RNGTT: variants seen among roughly 807,000 people sequenced by gnomAD.
RNGTT encodes RNA guanylyltransferase and 5'-phosphatase.
In RNGTT, 33 loss-of-function variants were observed where a neutral mutation model predicts 79.3. The ratio of observed to expected loss-of-function variants is 0.42; its 90% confidence interval spans 0.32 to 0.56. The LOEUF (loss-of-function observed/expected upper bound fraction) is 0.56. Among genes scored for constraint, RNGTT ranks in the 20% least tolerant of loss-of-function variants. The pLI is 0.17. For missense variants in RNGTT, 497 were observed against 739.1 expected, an observed-to-expected ratio of 0.67 and a Z score of 3.80; for synonymous variants, 222 against 235.9, an observed-to-expected ratio of 0.94 and a Z score of 0.54.
intron 13 of RNGTT, among the ~76,000 whole-genome samples, chr6:88,688,969 A>G (rs1775377444): frequency 6.6e-6 from 1 of 152,194 alleles, no homozygotes; most frequent in African/African-American, 2.4e-5. Flanking sequence ...AATATAGTGT[A>G]TAACACATGT....
intron 13 of RNGTT, among the ~76,000 whole-genome samples, chr6:88,726,819 C>A (rs1279934808): frequency 6.6e-6 from 1 of 152,132 alleles, no homozygotes; most frequent in Non-Finnish European, 1.5e-5. Flanking sequence ...TTATTAAAAG[C>A]AAAGAATAAT....
chr6:88,907,976 C>T (rs949541667), intron 4 of RNGTT, among the ~76,000 whole-genome samples: 19 of 152,160 alleles, frequency 1.2e-4, no homozygotes, highest in Non-Finnish European at 1.8e-4. Context: ...ATCAAGCAAT[C>T]CTCTCACTTC....
intron 4 of RNGTT, among the ~76,000 whole-genome samples, chr6:88,918,068 T>G (rs1784053471): frequency 6.6e-6 from 1 of 151,114 alleles, no homozygotes; most frequent in African/African-American, 2.4e-5. Flanking sequence ...CTGTAATCCC[T>G]GCACTTTAGG....
chr6:88,735,086 G>C (rs960411965), intron 13 of RNGTT, among the ~76,000 whole-genome samples: 3 of 152,128 alleles, frequency 2.0e-5, no homozygotes, highest in Admixed American at 2.0e-4. Context: ...CAGGGATAAA[G>C]TGGAGTATTA....
chr6:88,735,080 G>A (rs1410425635), intron 13 of RNGTT, among the ~76,000 whole-genome samples: 1 of 152,060 alleles, frequency 6.6e-6, no homozygotes, highest in Non-Finnish European at 1.5e-5. Context: ...AATAACCAGG[G>A]ATAAAGTGGA....
chr6:88,625,680 T>C (rs1772603414), intron 14 of RNGTT, among the ~76,000 whole-genome samples: 1 of 151,846 alleles, frequency 6.6e-6, no homozygotes. Flanking sequence ...GCTCTATGCC[T>C]ATATGCACTT....
chr6:88,817,500 A>AT (rs1424716489), intron 11 of RNGTT, among the ~76,000 whole-genome samples: 1 of 150,204 alleles, frequency 6.7e-6, no homozygotes, highest in East Asian at 1.9e-4. Flanking sequence ...TAAAAAAAAA[A>AT]AAAAAAAAAA....
At chr6:88,632,490 T>C (rs147736281) in intron 14 of RNGTT, among the ~76,000 whole-genome samples, 102 of 151,846 alleles carry the variant, frequency 6.7e-4, no homozygotes, top group African/African-American at 2.4e-3. Context: ...CCAGTTTATC[T>C]AATGCAAGAA....
At chr6:88,678,135 T>C (rs1372877633) in intron 14 of RNGTT, 2 of 853,166 alleles carry the variant, frequency 2.3e-6, no homozygotes, top group African/African-American at 1.8e-5. Flanking sequence ...TATAGGCACA[T>C]GCCACTGAAC....
At chr6:88,948,975 G>A (rs1243515646) in intron 1 of RNGTT, among the ~76,000 whole-genome samples, 3 of 96,218 alleles carry the variant, frequency 3.1e-5, no homozygotes, top group African/African-American at 8.4e-5. Flanking sequence ...CAAACACTGC[G>A]GAAGGCCGCA....
chr6:88,866,456 G>A (rs1229858553), intron 8 of RNGTT, among the ~76,000 whole-genome samples: 1 of 151,992 alleles, frequency 6.6e-6, no homozygotes, highest in Non-Finnish European at 1.5e-5. Flanking sequence ...ACCTCCTCCA[G>A]TTTGTAAATG....
intron 4 of RNGTT, among the ~76,000 whole-genome samples, chr6:88,909,131 T>TG (rs1783751813): frequency 6.6e-6 from 1 of 152,134 alleles, no homozygotes; most frequent in Non-Finnish European, 1.5e-5. Context: ...AGGATGGGTG[T>TG]GGCCTGACAG....
intron 14 of RNGTT, among the ~76,000 whole-genome samples, chr6:88,664,301 C>T (rs1011795017): frequency 6.6e-6 from 1 of 152,166 alleles, no homozygotes; most frequent in Non-Finnish European, 1.5e-5. Flanking sequence ...TGAGGCCTAT[C>T]GCATGTACAC....
chr6:88,674,272 G>C (rs188687185), intron 14 of RNGTT, among the ~76,000 whole-genome samples: 5 of 152,298 alleles, frequency 3.3e-5, no homozygotes, highest in East Asian at 1.9e-4. Flanking sequence ...TGGTGGCCAG[G>C]CATGGTGGCT....
At chr6:88,681,231 T>A (rs1319392671) in intron 13 of RNGTT, among the ~76,000 whole-genome samples, 2 of 152,182 alleles carry the variant, frequency 1.3e-5, no homozygotes, top group Non-Finnish European at 2.9e-5. Context: ...GCCTCTAAAT[T>A]ACTATGCATA....
intron 11 of RNGTT, among the ~76,000 whole-genome samples, chr6:88,828,390 A>AC (rs1053461884): frequency 4.5e-4 from 69 of 152,202 alleles, no homozygotes; most frequent in African/African-American, 1.6e-3. Flanking sequence ...TCCGAAGGTC[A>AC]CCAACATCAA....
At chr6:88,928,382 T>G (rs1463397064) in intron 4 of RNGTT, among the ~76,000 whole-genome samples, 1 of 152,196 alleles carries the variant, frequency 6.6e-6, no homozygotes, top group African/African-American at 2.4e-5. Context: ...ATTTACTTAT[T>G]AAATTTGTTA....
intron 14 of RNGTT, among the ~76,000 whole-genome samples, chr6:88,669,174 C>T (rs1774532343): frequency 6.6e-6 from 1 of 152,164 alleles, no homozygotes; most frequent in African/African-American, 2.4e-5. Flanking sequence ...GGGAGATCCA[C>T]AAGCGCTCCC....
chr6:88,854,194 T>C (rs556405517), intron 8 of RNGTT, among the ~76,000 whole-genome samples: 1 of 152,246 alleles, frequency 6.6e-6, no homozygotes, highest in African/African-American at 2.4e-5. Context: ...CCTCCCAAAG[T>C]GCTGCGATTA....
Sources: gnomAD v4.1 joint callset for allele counts (sites outside exome capture counted in the v4.1 genomes callset) on GRCh38, gnomAD v4.1.1 for gene constraint, MANE v1.5 for transcripts, NCBI Gene and HGNC (gene_info 2026-07-23, HGNC 2026-07-21) for gene names.